RIMS1: variants seen among roughly 807,000 people sequenced by gnomAD.
The protein encoded by RIMS1 is regulating synaptic membrane exocytosis protein 1.
In RIMS1, 83 loss-of-function variants were observed where a neutral mutation model predicts 214.1. The ratio of observed to expected loss-of-function variants is 0.39; its 90% confidence interval spans 0.32 to 0.47. The LOEUF (loss-of-function observed/expected upper bound fraction) is 0.47, where lower values mean the gene tolerates loss of function less well. RIMS1 is among the 20% of genes least tolerant of loss of function. RIMS1 has a pLI of 0.99. For missense variants in RIMS1, 2,050 were observed against 2,161.8 expected (o/e 0.95, Z 1.03); for synonymous variants, 793 against 786.8 (o/e 1.01, Z -0.13).
At chr6:72,039,756 A>G (rs1820907269) in intron 2 of RIMS1, among the ~76,000 whole-genome samples, 2 of 152,066 alleles carry the variant, frequency 1.3e-5, no homozygotes, top group Non-Finnish European at 2.9e-5. Context: ...ATGGGTTACT[A>G]TTATTTTTAA....
At chr6:71,997,927 A>G (rs1434322140) in intron 2 of RIMS1, among the ~76,000 whole-genome samples, 1 of 152,186 alleles carries the variant, frequency 6.6e-6, no homozygotes, top group Non-Finnish European at 1.5e-5. Flanking sequence ...AAAACTTTTA[A>G]TGGTGGAATA....
Position 71,887,047 on chromosome 6 carries a change from C to T in RIMS1, c.24C>T (p.Arg8=), listed in dbSNP as rs1472528442. The change falls in exon 1 of 34, where the codon CGC becomes CGT. Residue 8 remains arginine (R), a synonymous_variant. Coordinates refer to ENST00000521978, the MANE Select transcript of RIMS1 (RefSeq NM_014989.7). MSSAVGP[R]GPRPPTVPPP... is the part of the protein sequence containing the mutation. ...AAATGTCCTCGGCCGTGGGGCCCCG[C>T]GGTCCTCGCCCACCCACGGTGCCTC... 2 of 1,613,286 alleles carry T rather than the reference C, an allele frequency of 1.2e-6. No individual in the cohort carries two copies.
At chr6:72,058,040 A>G (rs974987227) in intron 2 of RIMS1, among the ~76,000 whole-genome samples, 5 of 152,256 alleles carry the variant, frequency 3.3e-5, no homozygotes, top group Non-Finnish European at 7.3e-5. Flanking sequence ...AATATTTCCA[A>G]CCATCTCATG....
rs528803927 is a variant in RIMS1, at chr6:72,165,027, G to A, written c.472-14548G>A. Among the ~76,000 whole-genome samples the A allele has an allele frequency of 2.1e-3, 322 of 152,202 alleles. 4 individuals carry two copies. The highest frequency in any genetic ancestry group is 6.9e-3 in the African/African-American group (288 of 41,550). On this transcript the variant is annotated intron_variant, in intron 4 of 33. Coordinates refer to ENST00000521978, the MANE Select transcript of RIMS1 (RefSeq NM_014989.7). ...ATAGCAATTGATTTTGGCAAACCAT[G>A]GCCAGAAGTACTGCTTCTGCTCCAT...
At chr6:72,346,712 T>G (rs1233098823) in intron 29 of RIMS1, among the ~76,000 whole-genome samples, 2 of 151,782 alleles carry the variant, frequency 1.3e-5, no homozygotes, top group African/African-American at 4.8e-5. Flanking sequence ...TTTAAATGGT[T>G]TAAAAAAATA....
intron 1 of RIMS1, among the ~76,000 whole-genome samples, chr6:71,891,034 T>A (rs1052433306): frequency 3.3e-5 from 5 of 152,256 alleles, no homozygotes; most frequent in Non-Finnish European, 5.9e-5. Context: ...ATATTTTCTT[T>A]AAATGAATTT....
intron 28 of RIMS1, chr6:72,316,586 C>A (rs1563964967): frequency 4.8e-6 from 2 of 417,930 alleles, no homozygotes; most frequent in Non-Finnish European, 9.2e-6. Context: ...GAGCCCCTGC[C>A]TTAGGAGCCT....
chr6:72,246,943 G>A (rs190206975), intron 11 of RIMS1, among the ~76,000 whole-genome samples: 4 of 152,130 alleles, frequency 2.6e-5, no homozygotes, highest in East Asian at 3.9e-4. Context: ...AAATGTTTTC[G>A]GAGGGCACAA....
intron 29 of RIMS1, among the ~76,000 whole-genome samples, chr6:72,341,738 A>T (rs376122381): frequency 6.6e-6 from 1 of 151,816 alleles, no homozygotes; most frequent in African/African-American, 2.4e-5. Context: ...TATGTATGTT[A>T]TCAAAGGTAG....
At chr6:72,064,249 C>T (rs1038129239) in intron 2 of RIMS1, among the ~76,000 whole-genome samples, 1 of 151,628 alleles carries the variant, frequency 6.6e-6, no homozygotes, top group Non-Finnish European at 1.5e-5. Context: ...ACCCAGGAGG[C>T]GGAGGTTGCA....
chr6:72,063,239 C>T (rs1049032365), intron 2 of RIMS1, among the ~76,000 whole-genome samples: 1 of 152,020 alleles, frequency 6.6e-6, no homozygotes, highest in Non-Finnish European at 1.5e-5. Context: ...ATTAATTCCC[C>T]CTTACCTTAT....
chr6:71,987,116 T>C (rs1461295908), intron 2 of RIMS1, among the ~76,000 whole-genome samples: 1 of 152,200 alleles, frequency 6.6e-6, no homozygotes, highest in African/African-American at 2.4e-5. Flanking sequence ...GGTGATGGAT[T>C]ATCTTGCTTT....
chr6:72,283,991 G>A (rs1348421449), intron 23 of RIMS1, 56 bp from the exon 24 acceptor site: 27 of 1,339,356 alleles, frequency 2.0e-5, no homozygotes, highest in African/African-American at 2.9e-5. Context: ...ATCATTGTAT[G>A]ATGTTAATGT....
At chr6:72,055,736 T>C (rs778490125) in intron 2 of RIMS1, among the ~76,000 whole-genome samples, 1 of 152,222 alleles carries the variant, frequency 6.6e-6, no homozygotes, top group South Asian at 2.1e-4. Flanking sequence ...TTCAGTCGAA[T>C]GGCTATTATT....
intron 9 of RIMS1, among the ~76,000 whole-genome samples, chr6:72,241,864 C>T (rs1484428839): frequency 3.3e-5 from 5 of 152,126 alleles, no homozygotes; most frequent in African/African-American, 7.2e-5. Flanking sequence ...ATATTAATTG[C>T]TCTTTCTTCC....
chr6:71,968,970 T>A lies in RIMS1; in HGVS notation c.165-13T>A, dbSNP rs778746250. The A allele has an allele frequency of 2.5e-5, 40 of 1,613,136 alleles. No individual in the cohort carries two copies. In the African/African-American group the frequency reaches 4.5e-4, roughly 18 times the overall value. On this transcript the variant is annotated splice_polypyrimidine_tract_variant and intron_variant, in intron 1 of 33. Transcript: ENST00000521978. ...AATTAATAGTGCGTTGTGCTGTCTA[T>A]CATGCGCCCCAGGTGTGTTGTCAGG... is the stretch of plus-strand genomic sequence containing the variant.
chr6:72,352,863 C>T (rs892088006), intron 29 of RIMS1, among the ~76,000 whole-genome samples: 1 of 152,004 alleles, frequency 6.6e-6, no homozygotes, highest in African/African-American at 2.4e-5. Context: ...ACTTAGCAAC[C>T]ACTTACTATG....
intron 1 of RIMS1, among the ~76,000 whole-genome samples, chr6:71,933,671 C>T (rs1783716051): frequency 7.4e-6 from 1 of 135,932 alleles, no homozygotes; most frequent in African/African-American, 2.8e-5. Flanking sequence ...TGTCTATCAG[C>T]TCTTCCTCAA....
intron 2 of RIMS1, among the ~76,000 whole-genome samples, chr6:72,080,292 A>G (rs1833040818): frequency 6.6e-6 from 1 of 151,960 alleles, no homozygotes; most frequent in Admixed American, 6.6e-5. Context: ...AAAACAAAGT[A>G]CATAACAGTC....
Sources: allele counts gnomAD v4.1 joint callset (sites outside exome capture counted in the v4.1 genomes callset), GRCh38; gene constraint gnomAD v4.1.1; transcripts MANE v1.5; gene names NCBI Gene and HGNC (gene_info 2026-07-23, HGNC 2026-07-21).